Variants in NBEA observed in about 807,000 individuals in gnomAD.
NBEA encodes the protein lysosomal-trafficking regulator 2.
A neutral mutation model predicts 343.4 loss-of-function variants in NBEA; 44 were observed. That is an observed-to-expected ratio of 0.13 (90% CI 0.10 to 0.16). The LOEUF (loss-of-function observed/expected upper bound fraction) is 0.16. Among genes scored for constraint, NBEA ranks in the 10% least tolerant of loss-of-function variants. NBEA has a pLI of 1.00. For synonymous variants in NBEA, 1,175 were observed against 1,238.7 expected, an observed-to-expected ratio of 0.95 and a Z score of 1.08; for missense variants, 2,555 against 3,631.3, an observed-to-expected ratio of 0.70 and a Z score of 7.62.
chr13:35,614,511 C>A (rs2082653709), intron 48 of NBEA, among the ~76,000 whole-genome samples: 1 of 152,146 alleles, frequency 6.6e-6, no homozygotes, highest in Non-Finnish European at 1.5e-5. Flanking sequence ...TTGTATCAAG[C>A]CCTTATTATA....
intron 34 of NBEA, among the ~76,000 whole-genome samples, chr13:35,278,094 T>A (rs564362168): frequency 1.2e-3 from 175 of 147,180 alleles, no homozygotes; most frequent in East Asian, 2.4e-3. Flanking sequence ...TCTCAAAAAA[T>A]ATATATATAT....
chr13:35,348,508 G>T (rs2040005455), intron 36 of NBEA, among the ~76,000 whole-genome samples: 1 of 151,940 alleles, frequency 6.6e-6, no homozygotes, highest in Non-Finnish European at 1.5e-5. Context: ...AACTTCTGTA[G>T]TTAAAAAAGT....
intron 35 of NBEA, among the ~76,000 whole-genome samples, chr13:35,305,484 G>A (rs2036829300): frequency 6.6e-6 from 1 of 152,074 alleles, no homozygotes; most frequent in South Asian, 2.1e-4. Flanking sequence ...CCCTCCTCCA[G>A]TGAGATTGGG....
Position 35,606,549 on chromosome 13 carries a change from C to T in NBEA, c.7420C>T (p.Pro2474Ser), listed in dbSNP as rs759759717. The T allele has an allele frequency of 1.1e-5, 17 of 1,605,380 alleles. No homozygotes were observed. The highest frequency in any genetic ancestry group is 1.7e-4 in the Middle Eastern group (1 of 6,032). The stretch of plus-strand genomic sequence containing the variant: ...TGATCTTCCCCCTTGGGCAAAAAAA[C>T]CTGAAGACTTTGTGCGGATCAACAG... ...DVDLPPWAKK[P>S]EDFVRINRMA... Residue 2474 changes from proline to serine, a missense_variant, in exon 48 of 59, where the codon CCT becomes TCT. By Grantham distance (74) the Pro-to-Ser change is moderately conservative. Transcript: ENST00000379939.
At chr13:35,552,421 C>CT (rs57217617) in intron 43 of NBEA, among the ~76,000 whole-genome samples, 36,633 of 151,990 alleles carry the variant, frequency 0.24, 4,912 homozygotes, top group South Asian at 0.33. Context: ...CAAGATTAAA[C>CT]TAAGATATTA....
intron 11 of NBEA, among the ~76,000 whole-genome samples, chr13:35,100,237 A>G (rs1035119569): frequency 1.3e-5 from 2 of 152,076 alleles, no homozygotes; most frequent in African/African-American, 4.8e-5. Context: ...ATGTCTTTAT[A>G]CATATTGTGT....
At chr13:35,304,748 A>G (rs927463207) in intron 35 of NBEA, among the ~76,000 whole-genome samples, 1 of 152,070 alleles carries the variant, frequency 6.6e-6, no homozygotes, top group Non-Finnish European at 1.5e-5. Flanking sequence ...TTCTAAAAAA[A>G]TTGTTTTTAA....
chr13:35,665,292 G>C, intron 56 of NBEA, 106 bp downstream of exon 56: 1 of 837,398 alleles, frequency 1.2e-6, no homozygotes. Context: ...ATAGACAAAT[G>C]GTATCCCAAA....
intron 41 of NBEA, among the ~76,000 whole-genome samples, chr13:35,523,055 C>A (rs1460029637): frequency 6.6e-6 from 1 of 152,110 alleles, no homozygotes; most frequent in Non-Finnish European, 1.5e-5. Flanking sequence ...ACAGATGAGT[C>A]CCAAATGTTT....
At chr13:34,985,281 CGTCTGTTG>C (rs2060504686) in intron 1 of NBEA, among the ~76,000 whole-genome samples, 1 of 150,908 alleles carries the variant, frequency 6.6e-6, no homozygotes, top group Non-Finnish European at 1.5e-5. Flanking sequence ...GCCTTTTCTA[CGTCTGTTG>C]AGATAATCAT....
chr13:35,403,046 G>T (rs1391622065), intron 38 of NBEA, among the ~76,000 whole-genome samples: 1 of 152,016 alleles, frequency 6.6e-6, no homozygotes, highest in African/African-American at 2.4e-5. Context: ...AAATCCATAA[G>T]CATGTTTAAC....
chr13:35,145,153 G>T (rs982536712), intron 18 of NBEA, among the ~76,000 whole-genome samples: 1 of 152,160 alleles, frequency 6.6e-6, no homozygotes, highest in African/African-American at 2.4e-5. Context: ...GCCTCTTGTT[G>T]TTTCCTTGAC....
chr13:35,230,195 G>A (rs1048717067), intron 33 of NBEA, among the ~76,000 whole-genome samples: 1 of 151,906 alleles, frequency 6.6e-6, no homozygotes, highest in Admixed American at 6.6e-5. Context: ...CAAGATAATC[G>A]ATAATAATGT....
At chr13:35,433,142 A>G (rs1376725300) in intron 39 of NBEA, among the ~76,000 whole-genome samples, 2 of 152,040 alleles carry the variant, frequency 1.3e-5, no homozygotes, top group African/African-American at 4.8e-5. Context: ...CACAAATACC[A>G]AAATATTTTT....
chr13:35,454,678 G>A (rs757969931), intron 40 of NBEA, among the ~76,000 whole-genome samples: 123 of 152,098 alleles, frequency 8.1e-4, no homozygotes, highest in Non-Finnish European at 1.5e-3. Flanking sequence ...GGCTAACATG[G>A]TGAAACCCCG....
chr13:35,043,723 AT>A (rs545898882), intron 2 of NBEA, among the ~76,000 whole-genome samples: 14 of 152,052 alleles, frequency 9.2e-5, no homozygotes, highest in African/African-American at 3.4e-4. Flanking sequence ...TTATTAATTG[AT>A]GAAGATAAGC....
chr13:35,218,757 C>T (rs912844699), intron 33 of NBEA, among the ~76,000 whole-genome samples: 2 of 151,862 alleles, frequency 1.3e-5, no homozygotes, highest in Non-Finnish European at 2.9e-5. Context: ...CTAAGATGAT[C>T]ATGTGGTTTT....
At chr13:35,418,259 A>G (rs1382256537) in intron 38 of NBEA, among the ~76,000 whole-genome samples, 1 of 152,040 alleles carries the variant, frequency 6.6e-6, no homozygotes, top group Non-Finnish European at 1.5e-5. Flanking sequence ...TAATATTGTT[A>G]TGTGTTACTC....
chr13:35,308,735 C>T (rs1258299252), intron 35 of NBEA, among the ~76,000 whole-genome samples: 2 of 147,632 alleles, frequency 1.4e-5, no homozygotes, highest in African/African-American at 5.0e-5. Context: ...ATTTAAAACC[C>T]CAAAAATAGA....
Sources: allele counts gnomAD v4.1 joint callset (sites outside exome capture counted in the v4.1 genomes callset), GRCh38; gene constraint gnomAD v4.1.1; transcripts MANE v1.5; gene names NCBI Gene and HGNC (gene_info 2026-07-23, HGNC 2026-07-21).